Variants in EFCAB6 observed in about 807,000 individuals in gnomAD.
EFCAB6 encodes the protein EF-hand calcium-binding domain-containing protein 6.
EFCAB6 carries 156 observed loss-of-function variants against 169.8 expected under a neutral mutation model. That is an observed-to-expected ratio of 0.92 (90% CI 0.81 to 1.05). The LOEUF (loss-of-function observed/expected upper bound fraction) is 1.05. Ranked by LOEUF, EFCAB6 falls within the 50% of genes least tolerant of loss-of-function variation. The probability of loss-of-function intolerance (pLI) is 0.00; values close to 1 mark genes in which losing one functional copy is unlikely to be tolerated. For synonymous variants in EFCAB6, 698 were observed against 676.4 expected (o/e 1.03, Z -0.50); for missense variants, 1,800 against 1,829.1 (o/e 0.98, Z 0.29).
Position 43,809,022 on chromosome 22 carries a change from T to A in EFCAB6, c.-35A>T, listed in dbSNP as rs2063016369. On this transcript the variant is annotated 5_prime_UTR_variant, in exon 2 of 32. Transcript: ENST00000262726. ...TTCAGAAATCTTCAATCTCAAATAT[T>A]CAGTTCAAATGCTAAAGTCCACATT... is the stretch of plus-strand genomic sequence containing the variant. 6.6e-6 allele frequency: 1 copy of A among 152,206 alleles called. No homozygotes were observed. Among genetic ancestry groups the A allele is most frequent in the South Asian group, 2.1e-4 (1 of 4,832 alleles). The allele number at this position is 152,206 out of a possible 1,614,324, so 9.4% of individuals were successfully genotyped here.
In EFCAB6 at chr22:43,635,161, G is replaced by C. The variant is rs764808112; in HGVS notation, c.2039C>G (p.Thr680Ser). The C allele has an allele frequency of 1.5e-5, 24 of 1,614,054 alleles. No homozygotes were observed. Among genetic ancestry groups the C allele is most frequent in the Non-Finnish European group, 2.0e-5 (24 of 1,180,048 alleles). ...CCCTTCCTTCTCGAAGCCTATTTTAGTGGTCAGCAGGGCATACTGATCATC... is the reference window on the plus strand; with the variant it reads ...CCCTTCCTTCTCGAAGCCTATTTTACTGGTCAGCAGGGCATACTGATCATC... The part of the protein sequence containing the change: ...MDDDQYALLT[T>S]KIGFEKEGMS... The change falls in exon 18 of 32, where the codon ACT becomes AGT. Residue 680 changes from threonine to serine, a missense_variant. Transcript: ENST00000262726.
intron 2 of EFCAB6, among the ~76,000 whole-genome samples, chr22:43,792,011 C>T (rs891558393): frequency 6.6e-6 from 1 of 152,086 alleles, no homozygotes; most frequent in Non-Finnish European, 1.5e-5. Flanking sequence ...GCAGGATGAG[C>T]CTTCATGGTG....
At position 43,782,236 on chromosome 22, in the gene EFCAB6, G is replaced by A. The variant is rs139342166; in HGVS notation, c.83C>T (p.Ser28Leu). 6.2e-7 allele frequency: 1 copy of A among 1,613,984 alleles called. No individual in the cohort carries two copies. Among genetic ancestry groups the A allele is most frequent in the Non-Finnish European group, 8.5e-7 (1 of 1,179,886 alleles). ...RKFTHSRPHSSPCRVYSRNGS... is the reference protein window; with the variant it reads ...RKFTHSRPHSLPCRVYSRNGS... Reference sequence around the variant, plus strand: ...ATTCCTTGAATATACTCTACACGGTGAAGAATGGGGTCTTGAATGTGTAAA... The same window carrying A: ...ATTCCTTGAATATACTCTACACGGTAAAGAATGGGGTCTTGAATGTGTAAA... Residue 28 changes from serine to leucine, a missense_variant, in exon 3 of 32, where the codon TCA (serine) becomes TTA (leucine). By Grantham distance (145) the Ser-to-Leu change is moderately radical. Transcript: ENST00000262726.
chr22:43,618,204 A>AAG (rs1285291645), intron 20 of EFCAB6, among the ~76,000 whole-genome samples: 5 of 143,334 alleles, frequency 3.5e-5, no homozygotes, highest in African/African-American at 1.2e-4. Flanking sequence ...GAAAGAAAGA[A>AAG]AGAAAGAAAG....
At chr22:43,784,684 C>T (rs1026660520) in intron 2 of EFCAB6, among the ~76,000 whole-genome samples, 985 of 92,406 alleles carry the variant, frequency 0.011, 25 homozygotes, top group Middle Eastern at 0.015. Context: ...TATACACACA[C>T]ACACACACAC....
Position 43,672,094 on chromosome 22 carries a change from G to C in EFCAB6, c.1519C>G (p.Gln507Glu). 2 of 1,613,852 alleles carry C rather than the reference G, an allele frequency of 1.2e-6. No individual in the cohort carries two copies. Among genetic ancestry groups the C allele is most frequent in the Non-Finnish European group, 1.7e-6 (2 of 1,179,956 alleles). The change falls in exon 15 of 32, where the codon CAA (glutamine) becomes GAA (glutamate). Residue 507 changes from glutamine to glutamate, a missense_variant. Gln to Glu is a conservative substitution (Grantham distance 29, BLOSUM62 2). Coordinates refer to ENST00000262726, the MANE Select transcript of EFCAB6 (RefSeq NM_022785.4). Reference protein sequence around the residue: ...IVHDTITRNLQAFYNMLRSYD... With the variant: ...IVHDTITRNLEAFYNMLRSYD... Reference sequence around the variant, plus strand: ...GAGCGTAGCATGTTATAAAAAGCTTGTAGGTTCCTAGTAATTGTATCATGA... The same window carrying C: ...GAGCGTAGCATGTTATAAAAAGCTTCTAGGTTCCTAGTAATTGTATCATGA...
At chr22:43,791,371 CAA>C (rs34928477) in intron 2 of EFCAB6, among the ~76,000 whole-genome samples, 5 of 114,992 alleles carry the variant, frequency 4.3e-5, no homozygotes, top group Admixed American at 9.1e-5. Flanking sequence ...GAGACTGCCT[CAA>C]AAAAAAAAAA....
chr22:43,737,807 A>ATAC (rs1225740149), intron 6 of EFCAB6, among the ~76,000 whole-genome samples: 2 of 149,614 alleles, frequency 1.3e-5, no homozygotes, highest in East Asian at 4.1e-4. Flanking sequence ...ACCTGTGCAT[A>ATAC]TACTCACACA....
chr22:43,784,196 T>A (rs965534954), intron 2 of EFCAB6, among the ~76,000 whole-genome samples: 1 of 152,212 alleles, frequency 6.6e-6, no homozygotes, highest in Non-Finnish European at 1.5e-5. Context: ...AGTGAAATAT[T>A]TAACGTGTTG....
At chr22:43,692,590 G>T (rs920133611) in intron 10 of EFCAB6, among the ~76,000 whole-genome samples, 31 of 152,070 alleles carry the variant, frequency 2.0e-4, no homozygotes, top group African/African-American at 7.5e-4. Flanking sequence ...TATACTATTT[G>T]AAATAAAAAA....
intron 27 of EFCAB6, 70 bp downstream of exon 27, chr22:43,554,799 A>C (rs2147070805): frequency 7.4e-7 from 1 of 1,359,126 alleles, no homozygotes. Flanking sequence ...AACTCTGTAC[A>C]TTCTGGCCAG....
At chr22:43,729,950 A>C (rs738411) in intron 8 of EFCAB6, among the ~76,000 whole-genome samples, 133,327 of 151,634 alleles carry the variant, frequency 0.88, 58,648 homozygotes, top group East Asian at 0.99. Context: ...TCACTTAAGC[A>C]CAGGAGTTCG....
intron 6 of EFCAB6, among the ~76,000 whole-genome samples, chr22:43,740,609 A>AC (rs1201527487): frequency 6.6e-6 from 1 of 152,144 alleles, no homozygotes; most frequent in African/African-American, 2.4e-5. Context: ...TTAACTCCAT[A>AC]CCAGCCTCCT....
chr22:43,566,148 A>G lies in EFCAB6; in HGVS notation c.3420+10149T>C, dbSNP rs187179522. Among the ~76,000 whole-genome samples the G allele has an allele frequency of 9.2e-5, 14 of 152,288 alleles. 1 individual carries two copies. In the East Asian group the frequency reaches 1.2e-3, roughly 13 times the overall value. ...CTCCGAAGGGCTCAGCACATGCCTG[A>G]GGGGAGCCTCTGGTGCATCAGGAGG... On this transcript the variant is annotated intron_variant, in intron 26 of 31. Transcript: ENST00000262726.
intron 17 of EFCAB6, among the ~76,000 whole-genome samples, chr22:43,659,811 T>A (rs2056918304): frequency 6.6e-6 from 1 of 152,172 alleles, no homozygotes; most frequent in Non-Finnish European, 1.5e-5. Context: ...GTGAGTTTCA[T>A]CAGCAGCCAA....
chr22:43,539,653 A>G (rs1401203489), intron 28 of EFCAB6, among the ~76,000 whole-genome samples: 3 of 152,112 alleles, frequency 2.0e-5, no homozygotes, highest in Non-Finnish European at 4.4e-5. Flanking sequence ...GTGCAATTTG[A>G]CAGGCCTGGG....
chr22:43,577,531 A>G (rs143021998), intron 25 of EFCAB6, among the ~76,000 whole-genome samples: 5 of 152,292 alleles, frequency 3.3e-5, no homozygotes, highest in Admixed American at 6.5e-5. Flanking sequence ...GCTGCCCACC[A>G]TAAGTCCTGA....
intron 3 of EFCAB6, among the ~76,000 whole-genome samples, chr22:43,777,828 C>T (rs373338761): frequency 6.6e-6 from 1 of 152,186 alleles, no homozygotes; most frequent in East Asian, 1.9e-4. Flanking sequence ...TTTTATTCCA[C>T]GTGCCTAATG....
chr22:43,590,365 C>G, intron 23 of EFCAB6, 136 bp from the exon 24 acceptor site: 1 of 970,636 alleles, frequency 1.0e-6, no homozygotes, highest in East Asian at 2.6e-5. Flanking sequence ...TGTTTTACAG[C>G]CTCAGTGTAA....
Sources: allele counts gnomAD v4.1 joint callset (sites outside exome capture counted in the v4.1 genomes callset), GRCh38; gene constraint gnomAD v4.1.1; transcripts MANE v1.5; gene names NCBI Gene and HGNC (gene_info 2026-07-23, HGNC 2026-07-21).